Variants in GLIS3 observed in about 807,000 individuals in gnomAD.
GLIS3 encodes GLIS family zinc finger 3.
GLIS3 carries 53 observed loss-of-function variants against 78.6 expected under a neutral mutation model. The observed-to-expected ratio is 0.67, with a 90% CI of 0.54 to 0.85. The LOEUF (loss-of-function observed/expected upper bound fraction) is 0.85, where lower values mean the gene tolerates loss of function less well. Among genes scored for constraint, GLIS3 ranks in the 40% least tolerant of loss-of-function variants. The pLI is 0.00. For missense variants in GLIS3, 1,703 were observed against 1,231.1 expected, an observed-to-expected ratio of 1.38 and a Z score of -5.74; for synonymous variants, 684 against 509.9, an observed-to-expected ratio of 1.34 and a Z score of -4.60.
intron 2 of GLIS3, among the ~76,000 whole-genome samples, chr9:4,245,000 G>C (rs1387131152): frequency 6.6e-6 from 1 of 152,186 alleles, no homozygotes; most frequent in East Asian, 1.9e-4. Flanking sequence ...AAAAATGATT[G>C]ATGTAGACCC....
the GLIS3 span, among the ~76,000 whole-genome samples, chr9:4,435,706 T>C: frequency 1.3e-5 from 2 of 152,148 alleles, no homozygotes; most frequent in Non-Finnish European, 2.9e-5. Flanking sequence ...TCCCAGCACT[T>C]TGGGAGGCCA....
At chr9:3,946,381 T>C (rs946731020) in intron 4 of GLIS3, among the ~76,000 whole-genome samples, 4 of 152,224 alleles carry the variant, frequency 2.6e-5, no homozygotes, top group African/African-American at 7.2e-5. Flanking sequence ...TGCATATTGA[T>C]TGCCTAGACT....
chr9:4,483,535 T>C, the GLIS3 span, among the ~76,000 whole-genome samples: 3 of 151,900 alleles, frequency 2.0e-5, no homozygotes, highest in South Asian at 2.1e-4. Context: ...CTGACCAACA[T>C]GGTGAAACCC....
At chr9:4,320,076 G>A (rs1345940787) in intron 2 of GLIS3, among the ~76,000 whole-genome samples, 2 of 151,752 alleles carry the variant, frequency 1.3e-5, no homozygotes, top group South Asian at 4.2e-4. Context: ...TAAAAATCAT[G>A]ATTTTCAGCT....
At chr9:4,435,874 G>T in the GLIS3 span, among the ~76,000 whole-genome samples, 1 of 152,150 alleles carries the variant, frequency 6.6e-6, no homozygotes, top group African/African-American at 2.4e-5. Flanking sequence ...GCATAAACTC[G>T]GGAGGTGGAG....
At chr9:4,255,788 A>C (rs772932596) in intron 2 of GLIS3, among the ~76,000 whole-genome samples, 2 of 152,116 alleles carry the variant, frequency 1.3e-5, no homozygotes, top group African/African-American at 2.4e-5. Flanking sequence ...AATACTAGAT[A>C]CATGTCACTA....
intron 4 of GLIS3, among the ~76,000 whole-genome samples, chr9:4,076,159 A>G (rs908846503): frequency 1.3e-5 from 2 of 152,246 alleles, no homozygotes; most frequent in African/African-American, 4.8e-5. Flanking sequence ...TGATTAAACA[A>G]TACATTTTAA....
chr9:4,475,779 G>C, the GLIS3 span, among the ~76,000 whole-genome samples: 5 of 152,178 alleles, frequency 3.3e-5, no homozygotes, highest in Admixed American at 2.6e-4. Context: ...TTTCTAAAAA[G>C]AGGCAACTGA....
chr9:4,194,334 A>C (rs534982033), intron 2 of GLIS3, among the ~76,000 whole-genome samples: 38 of 152,358 alleles, frequency 2.5e-4, no homozygotes, highest in South Asian at 4.1e-4. Flanking sequence ...TGCTAGGATT[A>C]CAGGCGTGAG....
chr9:4,142,488 C>G (rs1383026548), intron 2 of GLIS3, among the ~76,000 whole-genome samples: 1 of 152,148 alleles, frequency 6.6e-6, no homozygotes, highest in Non-Finnish European at 1.5e-5. Context: ...TTCAACTGTT[C>G]CAGGTGAATC....
intron 6 of GLIS3, among the ~76,000 whole-genome samples, chr9:3,902,264 A>C (rs1034920403): frequency 6.6e-6 from 1 of 152,212 alleles, no homozygotes; most frequent in African/African-American, 2.4e-5. Context: ...GGAGAGCCGT[A>C]TGCATAGAAA....
intron 7 of GLIS3, chr9:3,898,313 T>C (rs1270950430): frequency 9.8e-6 from 3 of 305,202 alleles, no homozygotes; most frequent in Admixed American, 4.4e-5. Context: ...TTTTAAAACA[T>C]AAAGATGACA....
In GLIS3 at chr9:4,286,091, A is replaced by G. The variant is rs766500647; in HGVS notation, c.335T>C (p.Leu112Ser). Residue 112 changes from leucine (L) to serine (S), a missense_variant, in exon 2 of 11, where the codon TTA becomes TCA. Physicochemically the swap from Leu to Ser is moderately radical, Grantham distance 145 (BLOSUM62 -2). Coordinates refer to ENST00000381971, the MANE Select transcript of GLIS3 (RefSeq NM_001042413.2). ...QAGGMSGSHT[L>S]KPKQQEFGSP... is the part of the protein sequence containing the mutation. ...TCCAAACTCCTGCTGCTTTGGCTTTAAAGTATGTGACCCTGACATGCCTCC... is the reference window on the plus strand; with the variant it reads ...TCCAAACTCCTGCTGCTTTGGCTTTGAAGTATGTGACCCTGACATGCCTCC... The G allele has an allele frequency of 3.7e-6, 6 of 1,613,522 alleles. No homozygotes were observed. The African/African-American group carries it at 5.3e-5, about 14-fold the overall frequency.
chr9:4,423,755 A>G, the GLIS3 span, among the ~76,000 whole-genome samples: 3 of 152,206 alleles, frequency 2.0e-5, no homozygotes, highest in Admixed American at 1.3e-4. Flanking sequence ...AACTGCTTCT[A>G]TCAGGCTATC....
chr9:4,465,575 T>C, the GLIS3 span, among the ~76,000 whole-genome samples: 1 of 152,066 alleles, frequency 6.6e-6, no homozygotes, highest in Non-Finnish European at 1.5e-5. Context: ...GAAAAGATAA[T>C]AAATAATAAT....
chr9:3,979,220 C>G (rs888936527), intron 4 of GLIS3, among the ~76,000 whole-genome samples: 7 of 152,176 alleles, frequency 4.6e-5, no homozygotes, highest in African/African-American at 1.7e-4. Context: ...CAGCATCATT[C>G]AAATCCTCAA....
intron 4 of GLIS3, among the ~76,000 whole-genome samples, chr9:4,015,448 C>T (rs1264106985): frequency 1.3e-5 from 2 of 152,200 alleles, no homozygotes; most frequent in Admixed American, 6.5e-5. Context: ...GCAGCATGCA[C>T]AGAACTATGT....
At position 4,118,885 on chromosome 9, in the gene GLIS3, G is replaced by C; in HGVS notation, c.597-4C>G. Reference sequence around the variant, plus strand: ...AGACTCACGCGAAATAAGGGACCTGGAACAGCAGCCAGAAAGGAAGAAAAA... The same window carrying C: ...AGACTCACGCGAAATAAGGGACCTGCAACAGCAGCCAGAAAGGAAGAAAAA... On this transcript the variant is annotated splice_region_variant and splice_polypyrimidine_tract_variant and intron_variant, in intron 3 of 10. Transcript: ENST00000381971. The surrounding 1 kb of genome is among the most constrained non-coding windows in gnomAD (Gnocchi z 4.7). The C allele has an allele frequency of 1.2e-6, 2 of 1,600,518 alleles. No homozygotes were observed. Among genetic ancestry groups the C allele is most frequent in the African/African-American group, 1.3e-5 (1 of 74,940 alleles).
At chr9:4,490,081 G>C in the GLIS3 span, among the ~76,000 whole-genome samples, 4 of 152,214 alleles carry the variant, frequency 2.6e-5, no homozygotes, top group Non-Finnish European at 2.9e-5. Flanking sequence ...CGTTCTGCAG[G>C]TGCCGGCGCT....
Sources: gnomAD v4.1 joint callset for allele counts (sites outside exome capture counted in the v4.1 genomes callset) on GRCh38, gnomAD v4.1.1 for gene constraint, Gnocchi (gnomAD v3.1) non-coding constraint, MANE v1.5 for transcripts, NCBI Gene and HGNC (gene_info 2026-07-23, HGNC 2026-07-21) for gene names.